ADGRB3: variants seen among roughly 807,000 people sequenced by gnomAD.
ADGRB3 encodes brain-specific angiogenesis inhibitor 3.
Under a neutral mutation model 193.4 loss-of-function variants are expected in ADGRB3, and 37 were observed. That is an observed-to-expected ratio of 0.19 (90% CI 0.15 to 0.25). The LOEUF (loss-of-function observed/expected upper bound fraction) is 0.25, where lower values mean the gene tolerates loss of function less well. Among genes scored for constraint, ADGRB3 ranks in the 10% least tolerant of loss-of-function variants. The pLI, the probability that ADGRB3 is intolerant of heterozygous loss-of-function variation, is 1.00. For synonymous variants in ADGRB3, 690 were observed against 644.2 expected, an observed-to-expected ratio of 1.07 and a Z score of -1.08; for missense variants, 1,637 against 1,852.9, an observed-to-expected ratio of 0.88 and a Z score of 2.14.
chr6:68,925,582 T>C (rs994726248), intron 3 of ADGRB3, among the ~76,000 whole-genome samples: 2 of 152,030 alleles, frequency 1.3e-5, no homozygotes, highest in Admixed American at 6.6e-5. Context: ...TAATGTAAGA[T>C]TGTATGGCTT....
rs1265218924 is a variant in ADGRB3 at position 68,898,068 on chromosome 6, G to A, written c.758-32491G>A. Among the ~76,000 whole-genome samples the A allele has an allele frequency of 2.0e-5, 3 of 150,824 alleles. No individual in the cohort carries two copies. The East Asian group carries it at 5.8e-4, about 29-fold the overall frequency. On this transcript the variant is annotated intron_variant, in intron 3 of 31. Coordinates refer to ENST00000370598, the MANE Select transcript of ADGRB3 (RefSeq NM_001704.3). ...GACAGAGAAAGAGAGGTTTATTATA[G>A]GAATTGTCTCATAGGATTATGGAGG... is the stretch of plus-strand genomic sequence containing the variant.
intron 3 of ADGRB3, among the ~76,000 whole-genome samples, chr6:68,794,827 A>G (rs570126809): frequency 5.1e-4 from 77 of 152,230 alleles, no homozygotes; most frequent in African/African-American, 1.8e-3. Flanking sequence ...TGTCCTGTAT[A>G]TGACTATTTA....
intron 3 of ADGRB3, among the ~76,000 whole-genome samples, chr6:68,744,076 G>C (rs1289257525): frequency 6.6e-6 from 1 of 152,032 alleles, no homozygotes; most frequent in Admixed American, 6.6e-5. Context: ...TTGTACATGA[G>C]TGAAATTTGA....
At chr6:69,013,492 A>G (rs989008692) in intron 11 of ADGRB3, among the ~76,000 whole-genome samples, 6 of 152,104 alleles carry the variant, frequency 3.9e-5, no homozygotes, top group Non-Finnish European at 2.9e-5. Flanking sequence ...TATGTCAGGA[A>G]CTTAGAAACT....
intron 3 of ADGRB3, among the ~76,000 whole-genome samples, chr6:68,663,560 A>C (rs1047468904): frequency 6.6e-6 from 1 of 151,796 alleles, no homozygotes; most frequent in Non-Finnish European, 1.5e-5. Context: ...TGCCCATAGA[A>C]GGCAATGCAT....
At chr6:68,741,561 T>G (rs371742912) in intron 3 of ADGRB3, among the ~76,000 whole-genome samples, 1 of 152,094 alleles carries the variant, frequency 6.6e-6, no homozygotes, top group Non-Finnish European at 1.5e-5. Context: ...TAAACTTTTG[T>G]AGTTTTTGCA....
Position 68,643,438 on chromosome 6 carries a change from C to CTTTTTTTTTTTTTTT in ADGRB3, c.757+4014_757+4028dup, listed in dbSNP as rs765489730. 5.5e-4 allele frequency among the ~76,000 whole-genome samples: 36 copies of CTTTTTTTTTTTTTTT among 65,026 alleles called. 1 individual carries two copies. Among genetic ancestry groups the CTTTTTTTTTTTTTTT allele is most frequent in the Non-Finnish European group, 6.2e-4 (24 of 38,418 alleles). 42.7% of individuals were successfully genotyped at this position (65,026 alleles called of 152,430 possible). A position where few individuals can be genotyped will look rare whatever the true frequency, so the allele number is the denominator to read the frequency against. On this transcript the variant is annotated intron_variant, in intron 3 of 31. Coordinates refer to ENST00000370598, the MANE Select transcript of ADGRB3 (RefSeq NM_001704.3). ...CTTTCTCTTTACACTCTTCATCTTC[C>CTTTTTTTTTTTTTTT]TTTTTTTTTTTTTTTTTTTTTTCGT...
intron 20 of ADGRB3, among the ~76,000 whole-genome samples, chr6:69,279,118 T>C (rs1767370606): frequency 1.7e-5 from 2 of 118,552 alleles, no homozygotes; most frequent in African/African-American, 3.1e-5. Context: ...TATATATATA[T>C]ATGCTCCTCA....
intron 17 of ADGRB3, among the ~76,000 whole-genome samples, chr6:69,188,848 G>T (rs1452505046): frequency 1.3e-5 from 2 of 151,804 alleles, no homozygotes; most frequent in African/African-American, 4.8e-5. Context: ...TTAATTTAAT[G>T]TCTTCACATA....
At chr6:68,887,815 G>A (rs745862305) in intron 3 of ADGRB3, among the ~76,000 whole-genome samples, 5 of 152,030 alleles carry the variant, frequency 3.3e-5, no homozygotes, top group Non-Finnish European at 7.4e-5. Context: ...AAGTTAAGTG[G>A]CTGCCCTATA....
chr6:68,996,653 G>A (rs1172290392), intron 11 of ADGRB3, among the ~76,000 whole-genome samples: 2 of 152,074 alleles, frequency 1.3e-5, no homozygotes, highest in African/African-American at 2.4e-5. Flanking sequence ...TTTCAGACCG[G>A]CTTCGTCTAT....
chr6:68,720,510 G>A (rs1765557815), intron 3 of ADGRB3, among the ~76,000 whole-genome samples: 1 of 151,736 alleles, frequency 6.6e-6, no homozygotes, highest in East Asian at 1.9e-4. Context: ...TGGAAGGGAA[G>A]TATGACTTAT....
intron 3 of ADGRB3, among the ~76,000 whole-genome samples, chr6:68,645,916 C>T (rs1366546660): frequency 6.6e-6 from 1 of 151,876 alleles, no homozygotes; most frequent in Non-Finnish European, 1.5e-5. Context: ...TCAGGTGATC[C>T]ACCTGCCTCG....
At chr6:68,906,333 C>A (rs1451524974) in intron 3 of ADGRB3, among the ~76,000 whole-genome samples, 2 of 150,826 alleles carry the variant, frequency 1.3e-5, no homozygotes, top group Non-Finnish European at 3.0e-5. Context: ...GTTGGTATAC[C>A]ATATATATTG....
intron 29 of ADGRB3, among the ~76,000 whole-genome samples, chr6:69,361,842 A>G (rs957248109): frequency 1.3e-5 from 2 of 151,956 alleles, no homozygotes; most frequent in African/African-American, 4.8e-5. Context: ...AAATAAATAA[A>G]TAAATAACAG....
chr6:68,882,906 T>C (rs916972991), intron 3 of ADGRB3, among the ~76,000 whole-genome samples: 2 of 151,806 alleles, frequency 1.3e-5, no homozygotes, highest in African/African-American at 4.9e-5. Context: ...TTTTGTTTTG[T>C]TTTTTGAGAC....
intron 3 of ADGRB3, among the ~76,000 whole-genome samples, chr6:68,667,642 G>T (rs1201458859): frequency 6.6e-6 from 1 of 151,646 alleles, no homozygotes; most frequent in Non-Finnish European, 1.5e-5. Context: ...AGACTCCAAG[G>T]TTTTTTTATA....
chr6:68,935,776 A>C (rs960167801), intron 4 of ADGRB3, among the ~76,000 whole-genome samples: 1 of 152,210 alleles, frequency 6.6e-6, no homozygotes, highest in East Asian at 1.9e-4. Flanking sequence ...AACTCCAAGA[A>C]AATTAATGAA....
chr6:68,828,420 C>A (rs1767889768), intron 3 of ADGRB3, among the ~76,000 whole-genome samples: 1 of 152,068 alleles, frequency 6.6e-6, no homozygotes, highest in African/African-American at 2.4e-5. Context: ...AATTTGGGAA[C>A]CTTTAATGGT....
Sources: allele counts gnomAD v4.1 joint callset (sites outside exome capture counted in the v4.1 genomes callset), GRCh38; gene constraint gnomAD v4.1.1; transcripts MANE v1.5; gene names NCBI Gene and HGNC (gene_info 2026-07-23, HGNC 2026-07-21).